Variants in KCMF1 observed in about 807,000 individuals in gnomAD.
KCMF1 encodes the protein potassium channel modulatory factor 1, also known as E3 ubiquitin-protein ligase KCMF1.
In KCMF1, 3 loss-of-function variants were observed where a neutral mutation model predicts 41.1. That is an observed-to-expected ratio of 0.07 (90% CI 0.03 to 0.19). KCMF1 has a LOEUF of 0.19. Among genes scored for constraint, KCMF1 ranks in the 10% least tolerant of loss-of-function variants. The pLI, the probability that KCMF1 is intolerant of heterozygous loss-of-function variation, is 1.00. For missense variants in KCMF1, 286 were observed against 488.9 expected (o/e 0.58, Z 3.91); for synonymous variants, 142 against 164.5 (o/e 0.86, Z 1.04).
intron 5 of KCMF1, among the ~76,000 whole-genome samples, chr2:85,047,744 C>T (rs1675707766): frequency 1.3e-5 from 2 of 151,992 alleles, no homozygotes; most frequent in African/African-American, 4.8e-5. Context: ...ACACACCAAG[C>T]AGACAAGTGG....
intron 1 of KCMF1, among the ~76,000 whole-genome samples, chr2:84,974,112 G>C (rs1415397692): frequency 1.3e-5 from 2 of 152,168 alleles, no homozygotes; most frequent in African/African-American, 4.8e-5. Flanking sequence ...ACAGGCGTGA[G>C]CCACCACGCC....
chr2:84,999,372 T>C (rs553291229), intron 1 of KCMF1, among the ~76,000 whole-genome samples: 295 of 152,234 alleles, frequency 1.9e-3, no homozygotes, highest in African/African-American at 6.9e-3. Flanking sequence ...AGGCTGGTCT[T>C]GAACTCCTGA....
rs1675850211 is a variant in KCMF1 at position 85,053,247 on chromosome 2, A to T, written c.984A>T (p.Leu328Phe). ...TCCAAGAGCTCCTTCTGTCCACTTT[A>T]GTGCGTGAAGAGAGCTCATCCTCAG... ...LFVQELLLSTLVREESSSSDE... is the reference protein window; with the variant it reads ...LFVQELLLSTFVREESSSSDE... Residue 328 changes from leucine (L) to phenylalanine (F), a missense_variant, in exon 7 of 7, where the codon TTA becomes TTT. Leu to Phe is a conservative substitution (Grantham distance 22). Transcript: ENST00000409785. The T allele has an allele frequency of 6.2e-7, 1 of 1,613,904 alleles. No individual in the cohort carries two copies.
intron 1 of KCMF1, among the ~76,000 whole-genome samples, chr2:85,007,080 A>C (rs1415344442): frequency 6.6e-6 from 1 of 150,516 alleles, no homozygotes; most frequent in Non-Finnish European, 1.5e-5. Flanking sequence ...CAGCCTGGGC[A>C]ACAAGAGCAA....
intron 1 of KCMF1, among the ~76,000 whole-genome samples, chr2:85,024,250 C>T (rs933537647): frequency 2.0e-5 from 3 of 152,118 alleles, no homozygotes; most frequent in Non-Finnish European, 4.4e-5. Context: ...GAGGCCCAGG[C>T]GGGCAGATCA....
At chr2:85,037,445 T>C (rs936316139) in intron 3 of KCMF1, among the ~76,000 whole-genome samples, 2 of 152,202 alleles carry the variant, frequency 1.3e-5, no homozygotes, top group African/African-American at 4.8e-5. Flanking sequence ...TTCTGAAGGA[T>C]TGGTGCCTAT....
chr2:84,976,124 A>G (rs1202098915), intron 1 of KCMF1, among the ~76,000 whole-genome samples: 1 of 152,162 alleles, frequency 6.6e-6, no homozygotes, highest in African/African-American at 2.4e-5. Flanking sequence ...GTAATTGCCA[A>G]CTTTTACTAA....
At chr2:85,020,172 C>T (rs1471252197) in intron 1 of KCMF1, among the ~76,000 whole-genome samples, 1 of 152,106 alleles carries the variant, frequency 6.6e-6, no homozygotes, top group Non-Finnish European at 1.5e-5. Context: ...AAGCTTTGTT[C>T]ATCTATACTT....
In KCMF1 at chr2:84,986,569, G is replaced by T. The variant is rs561363501; in HGVS notation, c.16+15102G>T. ...ACAGAAGACTCCCGTATGTTAGCAG[G>T]GGGAGTGAGGTATATTAGAAAGGCT... On this transcript the variant is annotated intron_variant, in intron 1 of 6. Transcript: ENST00000409785. Among the ~76,000 whole-genome samples, 4 of 152,156 alleles carry T rather than the reference G, an allele frequency of 2.6e-5. No homozygotes were observed. The South Asian group carries it at 8.3e-4, about 32-fold the overall frequency.
At chr2:84,982,415 T>TTTTTTTTTTTTTTTTTC (rs1673787326) in intron 1 of KCMF1, among the ~76,000 whole-genome samples, 1 of 122,930 alleles carries the variant, frequency 8.1e-6, no homozygotes, top group Non-Finnish European at 1.7e-5. Flanking sequence ...TTTTTTTTTT[T>TTTTTTTTTTTTTTTTTC]TTTTTTTGAG....
At chr2:84,976,204 CTTTT>C (rs776217164) in intron 1 of KCMF1, among the ~76,000 whole-genome samples, 2 of 133,664 alleles carry the variant, frequency 1.5e-5, no homozygotes, top group African/African-American at 2.7e-5. Context: ...TTCTTAACTC[CTTTT>C]TTTTTTTTTT....
intron 1 of KCMF1, among the ~76,000 whole-genome samples, chr2:84,976,906 G>T (rs1673561631): frequency 6.6e-6 from 1 of 152,004 alleles, no homozygotes; most frequent in Admixed American, 6.6e-5. Flanking sequence ...TATTTATCAT[G>T]TATAACATGA....
At chr2:85,011,954 C>T (rs1454315247) in intron 1 of KCMF1, among the ~76,000 whole-genome samples, 1 of 152,146 alleles carries the variant, frequency 6.6e-6, no homozygotes, top group African/African-American at 2.4e-5. Flanking sequence ...TAAGTGACCC[C>T]TAGGGGGCAA....
intron 1 of KCMF1, among the ~76,000 whole-genome samples, chr2:85,004,711 C>T (rs1242688845): frequency 6.6e-6 from 1 of 152,018 alleles, no homozygotes; most frequent in Non-Finnish European, 1.5e-5. Context: ...GGATTGTTTG[C>T]TTACCCTTTA....
At chr2:85,016,724 G>A (rs1674778303) in intron 1 of KCMF1, among the ~76,000 whole-genome samples, 1 of 146,544 alleles carries the variant, frequency 6.8e-6, no homozygotes, top group South Asian at 2.1e-4. Flanking sequence ...ACAGAGTCTC[G>A]CTTTTTCACT....
chr2:84,973,031 T>C (rs1438911125), intron 1 of KCMF1, among the ~76,000 whole-genome samples: 1 of 152,238 alleles, frequency 6.6e-6, no homozygotes, highest in Non-Finnish European at 1.5e-5. Flanking sequence ...AAAGTTATAA[T>C]CAGTTTTCAA....
intron 1 of KCMF1, among the ~76,000 whole-genome samples, chr2:85,017,321 C>T (rs1341538162): frequency 1.3e-5 from 2 of 152,130 alleles, no homozygotes; most frequent in Admixed American, 6.6e-5. Context: ...CCACCGCGCC[C>T]GGCCATCTAA....
chr2:84,993,647 C>G (rs531038515), intron 1 of KCMF1, among the ~76,000 whole-genome samples: 19 of 151,856 alleles, frequency 1.3e-4, no homozygotes, highest in Middle Eastern at 3.4e-3. Context: ...GCAGTCTCGG[C>G]TCACTGCACC....
At chr2:85,041,079 T>C (rs899125471) in intron 3 of KCMF1, among the ~76,000 whole-genome samples, 10 of 152,134 alleles carry the variant, frequency 6.6e-5, no homozygotes, top group Non-Finnish European at 1.5e-4. Context: ...GATTTTTCTA[T>C]GCCAGCTGTC....
Sources: allele counts gnomAD v4.1 joint callset (sites outside exome capture counted in the v4.1 genomes callset), GRCh38; gene constraint gnomAD v4.1.1; transcripts MANE v1.5; gene names NCBI Gene and HGNC (gene_info 2026-07-23, HGNC 2026-07-21).